The following ASAP2 variants were observed in gnomAD, a reference collection of about 807,000 sequenced individuals.
ASAP2 encodes arf-GAP with SH3 domain, ANK repeat and PH domain-containing protein 2.
Under a neutral mutation model 131.4 loss-of-function variants are expected in ASAP2, and 45 were observed. The observed-to-expected ratio is 0.34, with a 90% CI of 0.27 to 0.44. The LOEUF is 0.44. Among genes scored for constraint, ASAP2 ranks in the 20% least tolerant of loss-of-function variants. ASAP2 has a pLI of 1.00. For missense variants in ASAP2, 1,011 were observed against 1,297.0 expected, an observed-to-expected ratio of 0.78 and a Z score of 3.39; for synonymous variants, 510 against 503.0, an observed-to-expected ratio of 1.01 and a Z score of -0.19.
In ASAP2 at chr2:9,391,072, C is replaced by T. The variant is rs781759220; in HGVS notation, c.2394C>T (p.Ala798=). The change falls in exon 23 of 28, where the codon GCC becomes GCT. Residue 798 remains alanine, a synonymous_variant. Coordinates refer to ENST00000281419, the MANE Select transcript of ASAP2 (RefSeq NM_003887.3). The stretch of plus-strand genomic sequence containing the variant: ...TGCGTGTGGGTTCAGTTCAGACAGC[C>T]TCCTCTGCTAACACCCTGTGGAAGA... ...PPRNVGKVQT[A]SSANTLWKTN... The T allele has an allele frequency of 3.1e-6, 5 of 1,614,240 alleles. No individual in the cohort carries two copies. The highest frequency in any genetic ancestry group is 1.7e-5 in the Admixed American group (1 of 60,028).
chr2:9,390,994 CTGTTTT>C, intron 22 of ASAP2, 62 bp from the exon 23 acceptor site: 6 of 1,611,498 alleles, frequency 3.7e-6, no homozygotes, highest in African/African-American at 1.3e-5. Context: ...TGTTCTGTTT[CTGTTTT>C]TGTTCGTGTG....
At chr2:9,285,969 A>G (rs1322301212) in intron 2 of ASAP2, among the ~76,000 whole-genome samples, 1 of 152,220 alleles carries the variant, frequency 6.6e-6, no homozygotes, top group Non-Finnish European at 1.5e-5. Flanking sequence ...TTGCAGTGTT[A>G]ATTGGAATAT....
In ASAP2 at chr2:9,368,534, G is replaced by A. The variant is rs1473376838; in HGVS notation, c.1556+15G>A. 6.2e-7 allele frequency: 1 copy of A among 1,609,638 alleles called. No homozygotes were observed. The highest frequency in any genetic ancestry group is 2.2e-5 in the East Asian group (1 of 44,864). ...GGCAGCGACATGTAAGTATGGGACT[G>A]GCTATTCTCATTTGCTGAGTAAAGG... On this transcript the variant is annotated intron_variant, in intron 16 of 27. Transcript: ENST00000281419.
intron 18 of ASAP2, 90 bp from the exon 19 acceptor site, chr2:9,378,854 G>T: frequency 1.1e-6 from 1 of 880,174 alleles, no homozygotes; most frequent in Non-Finnish European, 1.6e-6. Context: ...TGCCTTTCCT[G>T]TGCCCGTAGC....
chr2:9,234,076 A>G (rs548669370), intron 1 of ASAP2, among the ~76,000 whole-genome samples: 1 of 140,702 alleles, frequency 7.1e-6, no homozygotes, highest in South Asian at 2.3e-4. Flanking sequence ...GCACCACTGC[A>G]CTCCAGCCTG....
intron 1 of ASAP2, among the ~76,000 whole-genome samples, chr2:9,274,865 C>T (rs868117999): frequency 6.6e-6 from 1 of 152,144 alleles, no homozygotes; most frequent in African/African-American, 2.4e-5. Context: ...AGCACTACTT[C>T]CTCTTTGGTA....
chr2:9,256,162 C>CAAAAAAA (rs71389235), intron 1 of ASAP2, among the ~76,000 whole-genome samples: 1 of 86,832 alleles, frequency 1.2e-5, no homozygotes, highest in African/African-American at 3.7e-5. Flanking sequence ...GGGTCCCCTG[C>CAAAAAAA]AAAAAAAAAA....
intron 3 of ASAP2, among the ~76,000 whole-genome samples, chr2:9,309,641 G>A (rs1396464032): frequency 6.6e-6 from 1 of 152,142 alleles, no homozygotes; most frequent in Non-Finnish European, 1.5e-5. Flanking sequence ...TTGTCTGTCC[G>A]TGACACTTCA....
intron 15 of ASAP2, among the ~76,000 whole-genome samples, chr2:9,362,517 T>A (rs546162540): frequency 3.9e-5 from 6 of 152,336 alleles, no homozygotes. Context: ...CCTCACATGC[T>A]TATGTTTTGT....
At chr2:9,335,020 T>G in intron 8 of ASAP2, 73 bp from the exon 9 acceptor site, 1 of 1,494,456 alleles carries the variant, frequency 6.7e-7, no homozygotes, top group Non-Finnish European at 9.3e-7. Flanking sequence ...AATGGCCCCA[T>G]GAGCACCAAC....
At chr2:9,355,159 A>G (rs972945472) in intron 12 of ASAP2, among the ~76,000 whole-genome samples, 23 of 152,174 alleles carry the variant, frequency 1.5e-4, no homozygotes, top group African/African-American at 5.3e-4. Flanking sequence ...GATGCTATTA[A>G]CTAAAAATCT....
At chr2:9,343,636 G>A (rs1047264386) in intron 9 of ASAP2, among the ~76,000 whole-genome samples, 3 of 152,124 alleles carry the variant, frequency 2.0e-5, no homozygotes, top group African/African-American at 7.2e-5. Context: ...TTGTAGAAAC[G>A]AGGTCTTGCT....
chr2:9,299,494 G>A (rs1160837963), intron 3 of ASAP2, among the ~76,000 whole-genome samples: 1 of 152,190 alleles, frequency 6.6e-6, no homozygotes, highest in Admixed American at 6.5e-5. Flanking sequence ...ACTCCTAAAG[G>A]ATGTGTTTTA....
At chr2:9,296,801 G>A (rs1668181328) in intron 2 of ASAP2, among the ~76,000 whole-genome samples, 1 of 152,196 alleles carries the variant, frequency 6.6e-6, no homozygotes, top group Admixed American at 6.5e-5. Flanking sequence ...AAGGGCCCCT[G>A]GGTAGAGGCT....
At chr2:9,380,253 A>C (rs979568382) in intron 19 of ASAP2, among the ~76,000 whole-genome samples, 14 of 152,060 alleles carry the variant, frequency 9.2e-5, no homozygotes, top group Admixed American at 7.9e-4. Flanking sequence ...GCTAGAGTGC[A>C]GTGGCACAAT....
Position 9,206,946 on chromosome 2 carries a change from C to T in ASAP2, c.-159C>T. ...GGGCTGCGCGCCGCCCCTGCTCCGC[C>T]GCCAGGCCCCGCGCGGCTCCCGCGC... On this transcript the variant is annotated 5_prime_UTR_variant, in exon 1 of 28. Coordinates refer to ENST00000281419, the MANE Select transcript of ASAP2 (RefSeq NM_003887.3). The surrounding 1 kb of genome is among the most constrained non-coding windows in gnomAD (Gnocchi z 4.0). 1.6e-6 allele frequency: 1 copy of T among 625,232 alleles called. No individual in the cohort carries two copies. The highest frequency in any genetic ancestry group is 2.0e-6 in the Non-Finnish European group (1 of 503,464). The allele number at this position is 625,232 out of a possible 1,614,324, so 38.7% of individuals were successfully genotyped here.
rs1572302385 is a variant in ASAP2, at chr2:9,268,800, G to A, written c.127-10517G>A. Among the ~76,000 whole-genome samples the A allele has an allele frequency of 1.3e-5, 2 of 152,346 alleles. No homozygotes were observed. The highest frequency in any genetic ancestry group is 3.9e-4 in the East Asian group (2 of 5,184). On this transcript the variant is annotated intron_variant, in intron 1 of 27. Coordinates refer to ENST00000281419, the MANE Select transcript of ASAP2 (RefSeq NM_003887.3). This position sits in a 1 kb window ranked among gnomAD's most constrained non-coding sequence, Gnocchi z 4.1. ...AGGGGAGAGGAGATAGGACGGGAGAGCGGAGCATGCTAGGGCTGCCTGAGT... is the reference window on the plus strand; with the variant it reads ...AGGGGAGAGGAGATAGGACGGGAGAACGGAGCATGCTAGGGCTGCCTGAGT...
At chr2:9,236,383 A>G (rs755575975) in intron 1 of ASAP2, among the ~76,000 whole-genome samples, 11 of 152,188 alleles carry the variant, frequency 7.2e-5, no homozygotes, top group South Asian at 2.1e-4. Flanking sequence ...TATTCCTGAC[A>G]TATTCTTATC....
At chr2:9,297,666 G>A (rs914972361) in intron 3 of ASAP2, among the ~76,000 whole-genome samples, 3 of 152,184 alleles carry the variant, frequency 2.0e-5, no homozygotes, top group South Asian at 4.1e-4. Flanking sequence ...CAATTTAAAT[G>A]TACACAGCTA....
Sources: allele counts gnomAD v4.1 joint callset (sites outside exome capture counted in the v4.1 genomes callset), GRCh38; gene constraint gnomAD v4.1.1; non-coding constraint Gnocchi (gnomAD v3.1); transcripts MANE v1.5; gene names NCBI Gene and HGNC (gene_info 2026-07-23, HGNC 2026-07-21).